NT5M: variants seen among roughly 807,000 people sequenced by gnomAD.
The protein encoded by NT5M is 5',3'-nucleotidase, mitochondrial.
In NT5M, 22 loss-of-function variants were observed where a neutral mutation model predicts 22.2. That is an observed-to-expected ratio of 0.99 (90% CI 0.71 to 1.41). The LOEUF (loss-of-function observed/expected upper bound fraction) is 1.41. Among genes scored for constraint, NT5M ranks in the 40% most tolerant of loss-of-function variants. NT5M has a pLI of 0.00. For synonymous variants in NT5M, 167 were observed against 133.0 expected (o/e 1.26, Z -1.76); for missense variants, 322 against 314.8 (o/e 1.02, Z -0.17).
chr17:17,341,450 C>G (rs1315188399), intron 3 of NT5M, among the ~76,000 whole-genome samples: 1 of 152,140 alleles, frequency 6.6e-6, no homozygotes, highest in Non-Finnish European at 1.5e-5. Context: ...GAGGGTAAGA[C>G]AAAAAGGTAG....
At chr17:17,337,200 A>G (rs2049533507) in intron 3 of NT5M, among the ~76,000 whole-genome samples, 1 of 152,106 alleles carries the variant, frequency 6.6e-6, no homozygotes, top group Admixed American at 6.6e-5. Context: ...ATGATCAGCG[A>G]TATTGAGCAC....
At chr17:17,308,709 A>G (rs759768383) in intron 2 of NT5M, among the ~76,000 whole-genome samples, 1 of 152,128 alleles carries the variant, frequency 6.6e-6, no homozygotes, top group Non-Finnish European at 1.5e-5. Context: ...GAGCTTTTTC[A>G]TCATCCCCAA....
intron 1 of NT5M, among the ~76,000 whole-genome samples, chr17:17,306,181 G>A (rs1422474251): frequency 6.6e-6 from 1 of 152,006 alleles, no homozygotes; most frequent in Non-Finnish European, 1.5e-5. Context: ...TACTACCATG[G>A]TAAGAGCTGG....
intron 2 of NT5M, among the ~76,000 whole-genome samples, chr17:17,316,668 G>A (rs939827235): frequency 1.9e-4 from 29 of 151,810 alleles, no homozygotes; most frequent in Admixed American, 8.5e-4. Context: ...GAGCCACCGT[G>A]CCCAGCCATA....
At chr17:17,311,383 T>G (rs147839415) in intron 2 of NT5M, among the ~76,000 whole-genome samples, 87 of 152,006 alleles carry the variant, frequency 5.7e-4, no homozygotes, top group African/African-American at 2.0e-3. Context: ...CATTTAGGCC[T>G]ATGATCCATT....
rs1257102070 is a variant in NT5M, at chr17:17,334,777, G to A, written c.430-10017G>A. On this transcript the variant is annotated intron_variant, in intron 3 of 4. Transcript: ENST00000389022. ...GCGTGAGCCACTGTGCCTGGCCACT[G>A]TAGTTTTATAGTAACTTTTGAAAGC... 2.0e-5 allele frequency among the ~76,000 whole-genome samples: 3 copies of A among 152,254 alleles called. No homozygotes were observed. In the East Asian group the frequency reaches 5.8e-4, roughly 29 times the overall value.
intron 1 of NT5M, chr17:17,304,370 C>T (rs1038519330): frequency 3.1e-5 from 31 of 984,622 alleles, no homozygotes; most frequent in Non-Finnish European, 3.7e-5. Flanking sequence ...GCAGAGCTGG[C>T]CTTGCTGAAC....
intron 2 of NT5M, among the ~76,000 whole-genome samples, chr17:17,321,578 A>G (rs1014044409): frequency 5.3e-5 from 8 of 152,028 alleles, no homozygotes; most frequent in African/African-American, 1.4e-4. Flanking sequence ...AGGGCATTGA[A>G]GAGAGCTGCC....
intron 3 of NT5M, among the ~76,000 whole-genome samples, chr17:17,323,797 G>C (rs368580684): frequency 5.4e-4 from 82 of 152,290 alleles, no homozygotes; most frequent in African/African-American, 1.9e-3. Flanking sequence ...CTTCAGTCCA[G>C]AGCCCCTCCT....
chr17:17,336,857 T>C (rs1444922335), intron 3 of NT5M, among the ~76,000 whole-genome samples: 1 of 152,214 alleles, frequency 6.6e-6, no homozygotes, highest in African/African-American at 2.4e-5. Context: ...TAGTACTTGA[T>C]TGTGTATATT....
At chr17:17,340,896 A>T (rs1391676291) in intron 3 of NT5M, among the ~76,000 whole-genome samples, 1 of 150,656 alleles carries the variant, frequency 6.6e-6, no homozygotes, top group African/African-American at 2.4e-5. Flanking sequence ...TTCTTTTTTT[A>T]TTTTTTTTAA....
intron 3 of NT5M, among the ~76,000 whole-genome samples, chr17:17,331,733 AG>A (rs1259814032): frequency 1.3e-5 from 2 of 151,432 alleles, no homozygotes; most frequent in Non-Finnish European, 2.9e-5. Flanking sequence ...TCCTAGATCA[AG>A]CCATTCATTT....
intron 2 of NT5M, among the ~76,000 whole-genome samples, chr17:17,315,987 C>T (rs996167497): frequency 9.2e-5 from 14 of 151,504 alleles, no homozygotes; most frequent in Non-Finnish European, 1.9e-4. Context: ...GATCTCCTGA[C>T]CTTGTGATCA....
intron 1 of NT5M, among the ~76,000 whole-genome samples, chr17:17,305,394 G>GCCCCCCCCCCCCCCCCCCCCC (rs34579357): frequency 9.4e-5 from 7 of 74,138 alleles, no homozygotes; most frequent in South Asian, 6.5e-4. Flanking sequence ...TAAAACAACC[G>GCCCCCCCCCCCCCCCCCCCCC]CCCCCCCCCC....
At chr17:17,308,885 G>T (rs532430757) in intron 2 of NT5M, among the ~76,000 whole-genome samples, 1 of 152,172 alleles carries the variant, frequency 6.6e-6, no homozygotes, top group South Asian at 2.1e-4. Context: ...CTTTCATTTA[G>T]CACATGTTTT....
chr17:17,346,874 A>C lies in NT5M; in HGVS notation c.614A>C (p.Gln205Pro). 9 of 1,608,254 alleles carry C rather than the reference A, an allele frequency of 5.6e-6. No homozygotes were observed. Among genetic ancestry groups the C allele is most frequent in the Non-Finnish European group, 7.6e-6 (9 of 1,179,870 alleles). Reference protein sequence around the residue: ...TACHNQHLQLQPPRRRLHSWA... With the variant: ...TACHNQHLQLPPPRRRLHSWA... ...TGCCACAACCAGCACCTGCAGCTGC[A>C]GCCCCCCCGCCGCAGGCTGCACTCG... is the stretch of plus-strand genomic sequence containing the variant. The change falls in exon 5 of 5, where the codon CAG becomes CCG. Residue 205 changes from glutamine (Q) to proline (P), a missense_variant. Coordinates refer to ENST00000389022, the MANE Select transcript of NT5M (RefSeq NM_020201.4).
chr17:17,347,586 G>C lies in NT5M; in HGVS notation c.*639G>C, dbSNP rs1016441890. The C allele has an allele frequency of 6.5e-6, 1 of 152,906 alleles. No individual in the cohort carries two copies. The highest frequency in any genetic ancestry group is 1.5e-5 in the Non-Finnish European group (1 of 68,580). 9.5% of individuals were successfully genotyped at this position (152,906 alleles called of 1,614,324 possible). ...ACCTCTGTTCCCAGGGCCCCGCTCA[G>C]GGCCCAGCAGAGAGTCCGTAGGCTT... On this transcript the variant is annotated 3_prime_UTR_variant, in exon 5 of 5. Coordinates refer to ENST00000389022, the MANE Select transcript of NT5M (RefSeq NM_020201.4).
At chr17:17,314,360 A>G (rs542183080) in intron 2 of NT5M, among the ~76,000 whole-genome samples, 19 of 152,172 alleles carry the variant, frequency 1.2e-4, no homozygotes, top group Middle Eastern at 6.8e-3. Flanking sequence ...AAAGACTCCA[A>G]TAGCATGAGC....
At chr17:17,340,032 A>G (rs1001170600) in intron 3 of NT5M, among the ~76,000 whole-genome samples, 1 of 152,014 alleles carries the variant, frequency 6.6e-6, no homozygotes, top group African/African-American at 2.4e-5. Context: ...CCTTCTGTAT[A>G]TTTCTGAATA....
Sources: gnomAD v4.1 joint callset for allele counts (sites outside exome capture counted in the v4.1 genomes callset) on GRCh38, gnomAD v4.1.1 for gene constraint, MANE v1.5 for transcripts, NCBI Gene and HGNC (gene_info 2026-07-23, HGNC 2026-07-21) for gene names.